Variants in UBE4B observed in about 807,000 individuals in gnomAD.
UBE4B encodes ubiquitin conjugation factor E4 B.
In UBE4B, 27 loss-of-function variants were observed where a neutral mutation model predicts 148.1. That is an observed-to-expected ratio of 0.18 (90% CI 0.13 to 0.25). The LOEUF is 0.25. Among genes scored for constraint, UBE4B ranks in the 10% least tolerant of loss-of-function variants. The probability of loss-of-function intolerance (pLI) is 1.00; values close to 1 mark genes in which losing one functional copy is unlikely to be tolerated. For synonymous variants in UBE4B, 596 were observed against 619.3 expected (o/e 0.96, Z 0.56); for missense variants, 1,170 against 1,662.4 (o/e 0.70, Z 5.15).
At chr1:10,053,777 C>T (rs1644102880) in intron 1 of UBE4B, among the ~76,000 whole-genome samples, 1 of 152,098 alleles carries the variant, frequency 6.6e-6, no homozygotes, top group African/African-American at 2.4e-5. Flanking sequence ...GCAGCCTCGA[C>T]CTTTCGGGCT....
At chr1:10,066,029 C>CTCCCTCCCCCCCTCCT (rs1644379211) in intron 1 of UBE4B, among the ~76,000 whole-genome samples, 1 of 140,602 alleles carries the variant, frequency 7.1e-6, no homozygotes. Context: ...GTTCCCCTCC[C>CTCCCTCCCCCCCTCCT]TCCCTCCCCC....
intron 19 of UBE4B, 71 bp from the exon 20 acceptor site, chr1:10,149,113 A>G: frequency 9.3e-7 from 1 of 1,078,720 alleles, no homozygotes; most frequent in Non-Finnish European, 1.3e-6. Context: ...TCCGATGGTA[A>G]TGTAATACTC....
intron 1 of UBE4B, 115 bp from the exon 2 acceptor site, chr1:10,071,913 G>C (rs983165133): frequency 5.1e-6 from 5 of 978,454 alleles, no homozygotes; most frequent in African/African-American, 1.7e-5. Context: ...GAGTACTTTT[G>C]CTGAAGGCAT....
At chr1:10,101,743 T>C (rs2101886458) in intron 4 of UBE4B, among the ~76,000 whole-genome samples, 1 of 152,138 alleles carries the variant, frequency 6.6e-6, no homozygotes, top group South Asian at 2.1e-4. Context: ...CTATTGACCT[T>C]ATGATCCACC....
chr1:10,179,826 G>T, intron 27 of UBE4B, 69 bp from the exon 28 acceptor site: 1 of 1,583,228 alleles, frequency 6.3e-7, no homozygotes, highest in South Asian at 1.1e-5. Context: ...TATACAGAGC[G>T]ACAAGCATCC....
chr1:10,178,425 T>G (rs1486266858), intron 25 of UBE4B, among the ~76,000 whole-genome samples: 1 of 152,184 alleles, frequency 6.6e-6, no homozygotes, highest in East Asian at 1.9e-4. Context: ...CACATATTAT[T>G]CCAGTCTTTA....
rs1184839558 is a variant in UBE4B at position 10,168,019 on chromosome 1, T to C, written c.3199-117T>C. The C allele has an allele frequency of 7.9e-7, 1 of 1,267,026 alleles. No homozygotes were observed. The highest frequency in any genetic ancestry group is 1.5e-5 in the African/African-American group (1 of 65,736). 78.5% of individuals were successfully genotyped at this position (1,267,026 alleles called of 1,614,324 possible). A position where few individuals can be genotyped will look rare whatever the true frequency, so the allele number is the denominator to read the frequency against. On this transcript the variant is annotated intron_variant, in intron 23 of 27. Transcript: ENST00000343090. The surrounding 1 kb of genome is among the most constrained non-coding windows in gnomAD (Gnocchi z 4.9). ...TTATCTGGGACATGTGGCAGGCGGTTCTGTCATTCCCTAAGCATGTTGGGT... is the reference window on the plus strand; with the variant it reads ...TTATCTGGGACATGTGGCAGGCGGTCCTGTCATTCCCTAAGCATGTTGGGT...
chr1:10,072,367 G>C (rs2101832768), intron 2 of UBE4B, 153 bp downstream of exon 2: 1 of 909,148 alleles, frequency 1.1e-6, no homozygotes, highest in African/African-American at 1.7e-5. Context: ...ATTGCAATGT[G>C]TTGTGTTATC....
chr1:10,102,890 A>C, intron 4 of UBE4B, 58 bp from the exon 5 acceptor site: 1 of 1,523,180 alleles, frequency 6.6e-7, no homozygotes, highest in Non-Finnish European at 8.9e-7. Context: ...ATTCCTATTG[A>C]AACACCTAAC....
At chr1:10,073,144 G>A (rs1422419948) in intron 2 of UBE4B, 1 of 152,278 alleles carries the variant, frequency 6.6e-6, no homozygotes, top group Admixed American at 6.5e-5. Flanking sequence ...TCTCTGAGAA[G>A]CTCTGATGGT....
intron 1 of UBE4B, among the ~76,000 whole-genome samples, chr1:10,062,173 G>T (rs1182959003): frequency 6.6e-6 from 1 of 151,894 alleles, no homozygotes; most frequent in Non-Finnish European, 1.5e-5. Context: ...CTCCCAAAGT[G>T]TTGGGATTAC....
chr1:10,115,368 A>G (rs1270025014), intron 7 of UBE4B, among the ~76,000 whole-genome samples: 1 of 151,818 alleles, frequency 6.6e-6, no homozygotes, highest in Non-Finnish European at 1.5e-5. Flanking sequence ...CCCGGGATTT[A>G]AGAGATTCTC....
At chr1:10,037,636 CA>C (rs1308080089) in intron 1 of UBE4B, among the ~76,000 whole-genome samples, 2 of 152,124 alleles carry the variant, frequency 1.3e-5, no homozygotes, top group Non-Finnish European at 2.9e-5. Context: ...TGGCTCACTG[CA>C]ACCTCTGCCT....
rs1380993681 is a variant in UBE4B at position 10,158,402 on chromosome 1, A to G, written c.2973A>G (p.Thr991=). 3.1e-6 allele frequency: 5 copies of G among 1,614,106 alleles called. No homozygotes were observed. The highest frequency in any genetic ancestry group is 3.4e-6 in the Non-Finnish European group (4 of 1,180,046). Residue 991 remains threonine (T), a synonymous_variant, in exon 22 of 28, where the codon ACA becomes ACG. Coordinates refer to ENST00000343090, the MANE Select transcript of UBE4B (RefSeq NM_001105562.3). Reference sequence around the variant, plus strand: ...CCAGTGAGTTTTATGACAAGTTCACAATTCGCTATCATATTAGCACCATTT... The same window carrying G: ...CCAGTGAGTTTTATGACAAGTTCACGATTCGCTATCATATTAGCACCATTT... ...GATSEFYDKF[T]IRYHISTIFK...
intron 23 of UBE4B, among the ~76,000 whole-genome samples, chr1:10,166,028 T>C (rs923307556): frequency 6.6e-6 from 1 of 152,204 alleles, no homozygotes; most frequent in African/African-American, 2.4e-5. Context: ...TGGCTCTGCC[T>C]TTCTTTCAGT....
intron 2 of UBE4B, among the ~76,000 whole-genome samples, chr1:10,090,663 T>G (rs1444415278): frequency 1.3e-5 from 2 of 152,174 alleles, no homozygotes; most frequent in Admixed American, 1.3e-4. Flanking sequence ...CAAGCGATCC[T>G]CTTGCCTCGA....
intron 18 of UBE4B, among the ~76,000 whole-genome samples, chr1:10,146,579 G>A (rs1041126375): frequency 2.6e-5 from 4 of 152,110 alleles, no homozygotes; most frequent in African/African-American, 4.8e-5. Context: ...CATTTTGCCC[G>A]AGGGCAGCTC....
intron 25 of UBE4B, among the ~76,000 whole-genome samples, chr1:10,175,638 G>T (rs147329353): frequency 1.3e-5 from 2 of 151,902 alleles, no homozygotes; most frequent in East Asian, 1.9e-4. Context: ...GCGACAGAGC[G>T]AGACTCCGTC....
chr1:10,139,942 G>A (rs1339480370), intron 17 of UBE4B, among the ~76,000 whole-genome samples: 1 of 152,230 alleles, frequency 6.6e-6, no homozygotes, highest in East Asian at 1.9e-4. Flanking sequence ...TGGTCAGGCT[G>A]GTCTCGAACT....
Sources: gnomAD v4.1 joint callset for allele counts (sites outside exome capture counted in the v4.1 genomes callset) on GRCh38, gnomAD v4.1.1 for gene constraint, Gnocchi (gnomAD v3.1) non-coding constraint, MANE v1.5 for transcripts, NCBI Gene and HGNC (gene_info 2026-07-23, HGNC 2026-07-21) for gene names.